Variants in TTLL7 observed in about 807,000 individuals in gnomAD.
The protein encoded by TTLL7 is tubulin polyglutamylase TTLL7.
TTLL7 carries 53 observed loss-of-function variants against 120.2 expected under a neutral mutation model. The ratio of observed to expected loss-of-function variants is 0.44; its 90% CI spans 0.35 to 0.55. The LOEUF (loss-of-function observed/expected upper bound fraction) is 0.55, where lower values mean the gene tolerates loss of function less well. Ranked by LOEUF, TTLL7 falls within the 20% of genes least tolerant of loss-of-function variation. The probability of loss-of-function intolerance (pLI) is 0.00; values close to 1 mark genes in which losing one functional copy is unlikely to be tolerated. For synonymous variants in TTLL7, 353 were observed against 351.7 expected (o/e 1.00, Z -0.04); for missense variants, 803 against 1,054.7 (o/e 0.76, Z 3.31).
At chr1:83,987,917 T>C (rs1328294149) in intron 1 of TTLL7, among the ~76,000 whole-genome samples, 1 of 152,206 alleles carries the variant, frequency 6.6e-6, no homozygotes, top group Non-Finnish European at 1.5e-5. Context: ...GGGGTACATG[T>C]ACAGGTTTGT....
intron 14 of TTLL7, among the ~76,000 whole-genome samples, 189 bp downstream of exon 14, chr1:83,917,415 G>A (rs570616695): frequency 2.0e-5 from 3 of 152,168 alleles, no homozygotes; most frequent in South Asian, 2.1e-4. Flanking sequence ...CCAAAATGAC[G>A]AATGAAACTA....
At chr1:83,884,542 A>G (rs1654806894) in intron 19 of TTLL7, among the ~76,000 whole-genome samples, 1 of 151,906 alleles carries the variant, frequency 6.6e-6, no homozygotes, top group African/African-American at 2.4e-5. Flanking sequence ...TAAGACTGAA[A>G]TGAGTTAATT....
intron 1 of TTLL7, 93 bp downstream of exon 1, chr1:83,998,838 G>C: frequency 3.1e-6 from 1 of 326,922 alleles, no homozygotes; most frequent in South Asian, 2.2e-5. Context: ...ACAGTCCGGG[G>C]ATGGGGGCCC....
chr1:83,996,612 C>G (rs1307198931), intron 1 of TTLL7, among the ~76,000 whole-genome samples: 3 of 152,176 alleles, frequency 2.0e-5, no homozygotes, highest in Non-Finnish European at 4.4e-5. Context: ...CCACCCTTTT[C>G]TGGTATTAAG....
intron 1 of TTLL7, chr1:83,983,795 A>T (rs928228817): frequency 1.8e-4 from 27 of 152,210 alleles, no homozygotes; most frequent in African/African-American, 6.0e-4. Flanking sequence ...TAATTTTGTT[A>T]AAAAATGGGC....
In TTLL7 at chr1:83,952,352, A is replaced by G. The variant is rs927920336; in HGVS notation, c.-141T>C. The G allele has an allele frequency of 3.5e-5, 27 of 774,558 alleles. No individual in the cohort carries two copies. Among genetic ancestry groups the G allele is most frequent in the Non-Finnish European group, 4.9e-5 (25 of 508,854 alleles). The allele number at this position is 774,558 out of a possible 1,614,324, so 48.0% of individuals were successfully genotyped here. A position where few individuals can be genotyped will look rare whatever the true frequency, so the allele number is the denominator to read the frequency against. On this transcript the variant is annotated 5_prime_UTR_variant, in exon 2 of 21. Transcript: ENST00000260505. ...CATATTATCTTGGTGGAATCCTCAG[A>G]TTTCAGGATACCAAAGTTATGGGAT...
chr1:83,993,726 C>G lies in TTLL7; in HGVS notation c.-177+5205G>C, dbSNP rs572909858. 3.3e-5 allele frequency among the ~76,000 whole-genome samples: 5 copies of G among 152,126 alleles called. No individual in the cohort carries two copies. The East Asian group carries it at 9.7e-4, about 29-fold the overall frequency. On this transcript the variant is annotated intron_variant, in intron 1 of 20. Transcript: ENST00000260505. ...CTACACCTTCAAAGGAAACATAAGCCAACTAGTTGCTTGCAAATAAAAGGT... is the reference window on the plus strand; with the variant it reads ...CTACACCTTCAAAGGAAACATAAGCGAACTAGTTGCTTGCAAATAAAAGGT...
At chr1:83,914,476 C>T (rs146682890) in intron 14 of TTLL7, among the ~76,000 whole-genome samples, 1,675 of 151,896 alleles carry the variant, frequency 0.011, 75 homozygotes, top group Admixed American at 0.091. Context: ...GGACTACAGG[C>T]GCATGCCACC....
intron 8 of TTLL7, 64 bp from the exon 9 acceptor site, chr1:83,933,830 A>G: frequency 6.6e-7 from 1 of 1,506,068 alleles, no homozygotes; most frequent in African/African-American, 1.4e-5. Flanking sequence ...TGCAAATATA[A>G]CCGGGGCCCA....
chr1:83,870,169 T>C lies in TTLL7; in HGVS notation c.2544-87A>G. The stretch of plus-strand genomic sequence containing the variant: ...GTTATGTGGTTAGCAATTTACGTAG[T>C]CTATATGAGAAATGTTACTGTAACA... On this transcript the variant is annotated intron_variant, in intron 20 of 20. Coordinates refer to ENST00000260505, the MANE Select transcript of TTLL7 (RefSeq NM_024686.6). 2.4e-6 allele frequency: 3 copies of C among 1,244,702 alleles called. No individual in the cohort carries two copies. The African/African-American group carries it at 4.7e-5, about 20-fold the overall frequency. 77.1% of individuals were successfully genotyped at this position (1,244,702 alleles called of 1,614,324 possible). A position where few individuals can be genotyped will look rare whatever the true frequency, so the allele number is the denominator to read the frequency against.
At position 83,937,918 on chromosome 1, in the gene TTLL7, G is replaced by A. The variant is rs748355704; in HGVS notation, c.822C>T (p.Ile274=). The A allele has an allele frequency of 9.9e-6, 16 of 1,613,912 alleles. No homozygotes were observed. The East Asian group carries it at 3.3e-4, about 34-fold the overall frequency. The change falls in exon 8 of 21, where the codon ATC becomes ATT. Residue 274 remains isoleucine, a synonymous_variant. Coordinates refer to ENST00000260505, the MANE Select transcript of TTLL7 (RefSeq NM_024686.6). ...CTTGAAGGAATTCTGTAAACCATTT[G>A]ATGGAACGTTTGCTGCCTTTGTTCT... is the stretch of plus-strand genomic sequence containing the variant. ...ETENKGSKRS[I]KWFTEFLQAN...
chr1:83,933,281 C>T (rs897277297), intron 9 of TTLL7, among the ~76,000 whole-genome samples: 2 of 152,130 alleles, frequency 1.3e-5, no homozygotes, highest in Non-Finnish European at 2.9e-5. Context: ...CTATCCAGAA[C>T]TCATGATGTG....
chr1:83,908,732 T>C (rs1557611006), intron 15 of TTLL7, among the ~76,000 whole-genome samples: 1 of 151,892 alleles, frequency 6.6e-6, no homozygotes, highest in Non-Finnish European at 1.5e-5. Context: ...GCTTGAGGAA[T>C]ATATCTTCAT....
intron 1 of TTLL7, among the ~76,000 whole-genome samples, chr1:83,963,778 G>GC (rs1360019288): frequency 6.6e-6 from 1 of 152,024 alleles, no homozygotes; most frequent in East Asian, 1.9e-4. Context: ...TTCTCTAGAG[G>GC]TTTTTTAATT....
chr1:83,986,394 A>G (rs934096808), intron 1 of TTLL7, among the ~76,000 whole-genome samples: 3 of 152,256 alleles, frequency 2.0e-5, no homozygotes, highest in Non-Finnish European at 2.9e-5. Context: ...TTGATACTAA[A>G]AAAAGTATTT....
At chr1:83,887,466 C>A (rs899052850) in intron 19 of TTLL7, among the ~76,000 whole-genome samples, 11 of 151,980 alleles carry the variant, frequency 7.2e-5, no homozygotes, top group Admixed American at 7.2e-4. Flanking sequence ...ACACACAGTA[C>A]TATGTGACTT....
intron 8 of TTLL7, among the ~76,000 whole-genome samples, chr1:83,936,044 G>C (rs752401983): frequency 6.6e-6 from 1 of 152,120 alleles, no homozygotes; most frequent in Non-Finnish European, 1.5e-5. Context: ...CTATAGACAA[G>C]ACCATGAAAT....
intron 8 of TTLL7, among the ~76,000 whole-genome samples, chr1:83,935,672 T>G (rs571330001): frequency 6.6e-6 from 1 of 152,204 alleles, no homozygotes; most frequent in African/African-American, 2.4e-5. Context: ...TTTCATATAT[T>G]GATAGTTACC....
chr1:83,917,844 G>T (rs1431596158), intron 13 of TTLL7, 154 bp from the exon 14 acceptor site: 15 of 602,466 alleles, frequency 2.5e-5, no homozygotes, highest in Non-Finnish European at 3.8e-5. Context: ...AAGGGTCACA[G>T]CAAATTCTCT....
Sources: allele counts gnomAD v4.1 joint callset (sites outside exome capture counted in the v4.1 genomes callset), GRCh38; gene constraint gnomAD v4.1.1; transcripts MANE v1.5; gene names NCBI Gene and HGNC (gene_info 2026-07-23, HGNC 2026-07-21).